SPON1: variants seen among roughly 807,000 people sequenced by gnomAD.
SPON1 encodes spondin 1.
In SPON1, 52 loss-of-function variants were observed where a neutral mutation model predicts 111.7. The observed-to-expected ratio is 0.47, with a 90% CI of 0.37 to 0.59. The LOEUF (loss-of-function observed/expected upper bound fraction) is 0.59, where lower values mean the gene tolerates loss of function less well. Among genes scored for constraint, SPON1 ranks in the 20% least tolerant of loss-of-function variants. The probability of loss-of-function intolerance (pLI) is 0.00; values close to 1 mark genes in which losing one functional copy is unlikely to be tolerated. For synonymous variants in SPON1, 410 were observed against 395.8 expected (o/e 1.04, Z -0.43); for missense variants, 957 against 1,068.5 (o/e 0.90, Z 1.46).
intron 3 of SPON1, among the ~76,000 whole-genome samples, chr11:14,049,967 T>C (rs1848696287): frequency 6.6e-6 from 1 of 152,170 alleles, no homozygotes; most frequent in African/African-American, 2.4e-5. Flanking sequence ...AGAAAGGACC[T>C]TGGCCCTGTC....
chr11:14,081,848 T>C (rs1020757156), intron 5 of SPON1, among the ~76,000 whole-genome samples: 9 of 152,116 alleles, frequency 5.9e-5, no homozygotes, highest in Non-Finnish European at 1.2e-4. Flanking sequence ...CTTCGACATT[T>C]GTTGACAAAT....
chr11:14,087,534 T>A (rs529830913), intron 5 of SPON1, among the ~76,000 whole-genome samples: 1 of 152,324 alleles, frequency 6.6e-6, no homozygotes, highest in South Asian at 2.1e-4. Flanking sequence ...TTCTGTTCTT[T>A]TGCATTTTCT....
At chr11:13,989,668 C>G (rs1342618733) in intron 2 of SPON1, among the ~76,000 whole-genome samples, 1 of 152,098 alleles carries the variant, frequency 6.6e-6, no homozygotes. Flanking sequence ...TTCCTGCTTT[C>G]TCTTGTGGGC....
intron 6 of SPON1, among the ~76,000 whole-genome samples, chr11:14,225,239 C>T (rs1191621949): frequency 6.6e-6 from 1 of 152,072 alleles, no homozygotes; most frequent in Non-Finnish European, 1.5e-5. Flanking sequence ...TAAAAAGTAA[C>T]AATGGTTATC....
chr11:14,053,356 A>G (rs1366008403), intron 3 of SPON1, among the ~76,000 whole-genome samples: 1 of 151,982 alleles, frequency 6.6e-6, no homozygotes, highest in Non-Finnish European at 1.5e-5. Flanking sequence ...GGCTCTATGG[A>G]CTTACCTATT....
intron 3 of SPON1, among the ~76,000 whole-genome samples, chr11:14,050,271 A>G (rs1848698532): frequency 6.6e-6 from 1 of 152,254 alleles, no homozygotes; most frequent in African/African-American, 2.4e-5. Flanking sequence ...TCTGAGCTTC[A>G]TAAAGGCATA....
At position 13,991,388 on chromosome 11, in the gene SPON1, CT is replaced by C. The variant is rs1848228853; in HGVS notation, c.345+8437del. The stretch of plus-strand genomic sequence containing the variant: ...ATTTGGCTATTGAAACTTGTGAATG[CT>C]TCAGGAAGTTCTCGTACTGTATTTT... On this transcript the variant is annotated intron_variant, in intron 2 of 15. Transcript: ENST00000576479. Among the ~76,000 whole-genome samples the C allele has an allele frequency of 2.6e-5, 4 of 152,240 alleles. No individual in the cohort carries two copies. The South Asian group carries it at 6.2e-4, about 24-fold the overall frequency.
chr11:13,973,266 T>A (rs1241126421), intron 1 of SPON1, among the ~76,000 whole-genome samples: 1 of 152,204 alleles, frequency 6.6e-6, no homozygotes, highest in Non-Finnish European at 1.5e-5. Context: ...TGGATCTGGA[T>A]CACAGTCACT....
chr11:14,183,193 T>C (rs2133888203), intron 6 of SPON1, among the ~76,000 whole-genome samples: 1 of 152,318 alleles, frequency 6.6e-6, no homozygotes, highest in Middle Eastern at 3.4e-3. Context: ...GATAGCTCAG[T>C]CATTTCAAAT....
At chr11:14,111,795 G>A (rs1302826647) in intron 5 of SPON1, among the ~76,000 whole-genome samples, 1 of 151,956 alleles carries the variant, frequency 6.6e-6, no homozygotes, top group Non-Finnish European at 1.5e-5. Context: ...ACTTATGTGG[G>A]GTCTTATTCT....
At chr11:14,190,768 G>A (rs1044578766) in intron 6 of SPON1, among the ~76,000 whole-genome samples, 6 of 151,264 alleles carry the variant, frequency 4.0e-5, no homozygotes, top group Admixed American at 6.6e-5. Context: ...AGTGCCCCGA[G>A]TAGCTAGGAT....
At chr11:14,215,071 TGA>T in intron 6 of SPON1, among the ~76,000 whole-genome samples, 1 of 152,262 alleles carries the variant, frequency 6.6e-6, no homozygotes, top group South Asian at 2.1e-4. Flanking sequence ...TTTTAAGAGA[TGA>T]GAGTCTCACC....
chr11:14,248,068 C>T (rs1365485868), intron 7 of SPON1, among the ~76,000 whole-genome samples: 1 of 152,116 alleles, frequency 6.6e-6, no homozygotes, highest in Non-Finnish European at 1.5e-5. Context: ...AGCTTGGTAC[C>T]GAGAAAGCCA....
Position 14,255,632 on chromosome 11 carries a change from T to C in SPON1, c.1093-15T>C. ...TTTTATTTCTTACTCTCTACCTCTG[T>C]ATGTTTTCTTGCAGTCACCCAACAA... On this transcript the variant is annotated splice_polypyrimidine_tract_variant and intron_variant, in intron 8 of 15. Coordinates refer to ENST00000576479, the MANE Select transcript of SPON1 (RefSeq NM_006108.4). The C allele has an allele frequency of 6.2e-7, 1 of 1,612,802 alleles. No individual in the cohort carries two copies. The highest frequency in any genetic ancestry group is 8.5e-7 in the Non-Finnish European group (1 of 1,179,146).
intron 6 of SPON1, among the ~76,000 whole-genome samples, chr11:14,197,377 A>G (rs1037629704): frequency 1.3e-5 from 2 of 152,086 alleles, no homozygotes; most frequent in Non-Finnish European, 2.9e-5. Flanking sequence ...GCCCGAAAGC[A>G]CAGGACTAAA....
rs183821378 is a variant in SPON1, at chr11:14,054,318, A to T, written c.479+12664A>T. Among the ~76,000 whole-genome samples the T allele has an allele frequency of 2.6e-5, 4 of 152,358 alleles. No homozygotes were observed. The East Asian group carries it at 7.7e-4, about 29-fold the overall frequency. ...TGTGGTGCACTTGTAAGTCCAGGGC[A>T]GCTGTCATCAGCACTCCAGTTTATT... On this transcript the variant is annotated intron_variant, in intron 3 of 15. Transcript: ENST00000576479.
chr11:14,046,808 A>C (rs1186877607), intron 3 of SPON1, among the ~76,000 whole-genome samples: 4 of 152,262 alleles, frequency 2.6e-5, no homozygotes, highest in African/African-American at 9.6e-5. Context: ...CCCAGAATAC[A>C]TAAGATGCAT....
rs1554926155 is a variant in SPON1, at chr11:14,117,993, T to C, written c.677-17427T>C. 2.0e-5 allele frequency among the ~76,000 whole-genome samples: 3 copies of C among 152,274 alleles called. No homozygotes were observed. In the East Asian group the frequency reaches 5.8e-4, roughly 29 times the overall value. On this transcript the variant is annotated intron_variant, in intron 5 of 15. Transcript: ENST00000576479. ...TCCCATTTCTCACTACCTCTTCTCT[T>C]CTGCTTAAAAACTTTTCAAATACAG...
intron 6 of SPON1, among the ~76,000 whole-genome samples, chr11:14,145,088 C>T (rs1228570933): frequency 6.6e-6 from 1 of 152,082 alleles, no homozygotes; most frequent in African/African-American, 2.4e-5. Context: ...CACAGATACT[C>T]GATACAGAAA....
Sources: gnomAD v4.1 joint callset for allele counts (sites outside exome capture counted in the v4.1 genomes callset) on GRCh38, gnomAD v4.1.1 for gene constraint, MANE v1.5 for transcripts, NCBI Gene and HGNC (gene_info 2026-07-23, HGNC 2026-07-21) for gene names.